The following DNM3 variants were observed in gnomAD, a reference collection of about 807,000 sequenced individuals.
DNM3 encodes the protein dynamin-3.
In DNM3, 47 loss-of-function variants were observed where a neutral mutation model predicts 101.6. The observed-to-expected ratio is 0.46, with a 90% CI of 0.37 to 0.59. DNM3 has a LOEUF of 0.59. Among genes scored for constraint, DNM3 ranks in the 20% least tolerant of loss-of-function variants. DNM3 has a pLI of 0.00. For missense variants in DNM3, 849 were observed against 1,085.7 expected (o/e 0.78, Z 3.06); for synonymous variants, 385 against 387.9 (o/e 0.99, Z 0.09).
At chr1:172,128,700 A>G (rs748232731) in intron 13 of DNM3, among the ~76,000 whole-genome samples, 9 of 152,196 alleles carry the variant, frequency 5.9e-5, no homozygotes, top group Non-Finnish European at 1.2e-4. Context: ...AAACTAGTCA[A>G]TAGGGCTCAA....
chr1:171,943,120 TAAAAATA>T (rs914706555), intron 2 of DNM3, among the ~76,000 whole-genome samples: 2 of 150,050 alleles, frequency 1.3e-5, no homozygotes, highest in Non-Finnish European at 3.0e-5. Flanking sequence ...CAAAAAAAAA[TAAAAATA>T]AAAAATAAAA....
chr1:171,960,012 C>T (rs780027956), intron 2 of DNM3, among the ~76,000 whole-genome samples: 1 of 152,048 alleles, frequency 6.6e-6, no homozygotes, highest in Non-Finnish European at 1.5e-5. Context: ...CTCCTGGAAC[C>T]TCAGTATAGG....
At chr1:171,942,612 G>T (rs1000252661) in intron 2 of DNM3, among the ~76,000 whole-genome samples, 1 of 152,080 alleles carries the variant, frequency 6.6e-6, no homozygotes. Context: ...AATTTATGGG[G>T]CAAGACACGC....
intron 14 of DNM3, among the ~76,000 whole-genome samples, chr1:172,147,640 G>A (rs2148208492): frequency 6.6e-6 from 1 of 152,242 alleles, no homozygotes; most frequent in South Asian, 2.1e-4. Flanking sequence ...TAAAGGGGCA[G>A]GGTTACTAGT....
At chr1:172,169,477 G>A (rs1487581142) in intron 14 of DNM3, among the ~76,000 whole-genome samples, 1 of 151,880 alleles carries the variant, frequency 6.6e-6, no homozygotes, top group Non-Finnish European at 1.5e-5. Context: ...TTTGCCTAAG[G>A]GTGTTTGGTT....
At chr1:171,912,451 C>T (rs1188909721) in intron 1 of DNM3, among the ~76,000 whole-genome samples, 2 of 152,102 alleles carry the variant, frequency 1.3e-5, no homozygotes, top group Admixed American at 1.3e-4. Flanking sequence ...TTTTCTTTGT[C>T]TCCTTCCTAG....
In DNM3 at chr1:172,006,459, C is replaced by A. The variant is rs892470619; in HGVS notation, c.589+17311C>A. Among the ~76,000 whole-genome samples, 5 of 152,002 alleles carry A rather than the reference C, an allele frequency of 3.3e-5. No individual in the cohort carries two copies. In the East Asian group the frequency reaches 5.8e-4, roughly 18 times the overall value. On this transcript the variant is annotated intron_variant, in intron 4 of 20. Transcript: ENST00000627582. ...GACTCAGAGGCTTTTTCAGGCCAGGCCTTTTGTTTCTTTGTGAATTTAGTT... is the reference window on the plus strand; with the variant it reads ...GACTCAGAGGCTTTTTCAGGCCAGGACTTTTGTTTCTTTGTGAATTTAGTT...
chr1:172,148,568 G>A (rs1414249871), intron 14 of DNM3, among the ~76,000 whole-genome samples: 4 of 152,020 alleles, frequency 2.6e-5, no homozygotes, highest in African/African-American at 7.2e-5. Flanking sequence ...CTTATTTTTG[G>A]CCTTCTAATG....
At chr1:171,920,764 T>G (rs2040096225) in intron 1 of DNM3, among the ~76,000 whole-genome samples, 2 of 152,238 alleles carry the variant, frequency 1.3e-5, no homozygotes, top group South Asian at 4.1e-4. Flanking sequence ...ATTAGCTTAG[T>G]GTTTATTAAT....
At chr1:172,269,424 A>G (rs964985648) in intron 15 of DNM3, among the ~76,000 whole-genome samples, 15 of 152,152 alleles carry the variant, frequency 9.9e-5, no homozygotes, top group African/African-American at 3.6e-4. Context: ...CATTAATGAT[A>G]GGGGACCCAA....
intron 14 of DNM3, among the ~76,000 whole-genome samples, chr1:172,148,508 A>C (rs1378245060): frequency 6.6e-6 from 1 of 152,102 alleles, no homozygotes; most frequent in African/African-American, 2.4e-5. Flanking sequence ...ACCAGATTGA[A>C]CTATTCTTTT....
chr1:172,290,080 G>C, intron 15 of DNM3: 1 of 841,232 alleles, frequency 1.2e-6, no homozygotes, highest in Non-Finnish European at 1.4e-6. Flanking sequence ...TGAATGCTGA[G>C]AAAATACTGG....
chr1:172,337,342 C>T (rs1299355422), intron 17 of DNM3, among the ~76,000 whole-genome samples: 3 of 152,180 alleles, frequency 2.0e-5, no homozygotes, highest in Non-Finnish European at 4.4e-5. Flanking sequence ...ACAGATTACA[C>T]ATCTCAGTCG....
chr1:172,354,520 A>G (rs1313459176), intron 17 of DNM3, among the ~76,000 whole-genome samples: 1 of 152,178 alleles, frequency 6.6e-6, no homozygotes, highest in Non-Finnish European at 1.5e-5. Context: ...TTCTATCACA[A>G]TGAGAAATCT....
At chr1:172,383,725 G>A (rs1188020936) in intron 18 of DNM3, among the ~76,000 whole-genome samples, 1 of 152,070 alleles carries the variant, frequency 6.6e-6, no homozygotes, top group Non-Finnish European at 1.5e-5. Flanking sequence ...TGCTAGAGAA[G>A]GGTTAAAGTA....
chr1:172,114,320 A>G (rs2055732037), intron 13 of DNM3, among the ~76,000 whole-genome samples: 1 of 152,188 alleles, frequency 6.6e-6, no homozygotes, highest in Non-Finnish European at 1.5e-5. Context: ...AAACCAAAAG[A>G]TAGCCAGTGC....
At chr1:171,917,069 T>C (rs1461195439) in intron 1 of DNM3, among the ~76,000 whole-genome samples, 1 of 152,216 alleles carries the variant, frequency 6.6e-6, no homozygotes, top group African/African-American at 2.4e-5. Context: ...ATTATAGTTA[T>C]TTATTTGCAT....
At chr1:172,301,495 C>G (rs1265784945) in intron 15 of DNM3, among the ~76,000 whole-genome samples, 1 of 152,178 alleles carries the variant, frequency 6.6e-6, no homozygotes, top group Non-Finnish European at 1.5e-5. Flanking sequence ...GAGAGACATC[C>G]TGTCTCTAAC....
intron 17 of DNM3, among the ~76,000 whole-genome samples, chr1:172,363,708 C>T (rs1190145325): frequency 1.3e-5 from 2 of 151,860 alleles, no homozygotes; most frequent in East Asian, 1.9e-4. Context: ...TTCAAGCCCA[C>T]CACATGTCAT....
Sources: gnomAD v4.1 joint callset for allele counts (sites outside exome capture counted in the v4.1 genomes callset) on GRCh38, gnomAD v4.1.1 for gene constraint, MANE v1.5 for transcripts, NCBI Gene and HGNC (gene_info 2026-07-23, HGNC 2026-07-21) for gene names.